FAM171A1: variants seen among roughly 807,000 people sequenced by gnomAD.
The protein encoded by FAM171A1 is protein FAM171A1.
In FAM171A1, 23 loss-of-function variants were observed where a neutral mutation model predicts 74.9. That is an observed-to-expected ratio of 0.31 (90% confidence interval 0.22 to 0.44). The LOEUF (loss-of-function observed/expected upper bound fraction) is 0.44, where lower values mean the gene tolerates loss of function less well. Ranked by LOEUF, FAM171A1 falls within the 20% of genes least tolerant of loss-of-function variation. The probability of loss-of-function intolerance (pLI) is 1.00; values close to 1 mark genes in which losing one functional copy is unlikely to be tolerated. For synonymous variants in FAM171A1, 527 were observed against 505.7 expected (o/e 1.04, Z -0.57); for missense variants, 1,162 against 1,159.2 (o/e 1.00, Z -0.03).
rs551684041 is a variant in FAM171A1, at chr10:15,355,290, G to C, written c.97+15666C>G. ...GGGTCTCAATATGTTGCCCAGGCTG[G>C]TCTTGAACTCCTGGGCTCAAGTGAT... On this transcript the variant is annotated intron_variant, in intron 1 of 7. Transcript: ENST00000378116. 1.8e-3 allele frequency among the ~76,000 whole-genome samples: 276 copies of C among 152,266 alleles called. 3 individuals are homozygous for C. Among genetic ancestry groups the C allele is most frequent in the African/African-American group, 6.4e-3 (264 of 41,550 alleles).
intron 2 of FAM171A1, among the ~76,000 whole-genome samples, chr10:15,278,883 T>G (rs1834929967): frequency 1.3e-5 from 2 of 152,184 alleles, no homozygotes; most frequent in South Asian, 4.1e-4. Flanking sequence ...TAAACTATTA[T>G]CAGCGATCCT....
intron 1 of FAM171A1, among the ~76,000 whole-genome samples, chr10:15,320,927 A>G (rs1835479349): frequency 6.6e-6 from 1 of 152,234 alleles, no homozygotes; most frequent in African/African-American, 2.4e-5. Context: ...CACTCTGTCT[A>G]ACACAAATTC....
intron 5 of FAM171A1, among the ~76,000 whole-genome samples, chr10:15,240,043 T>A (rs1406920290): frequency 1.3e-5 from 2 of 152,232 alleles, no homozygotes; most frequent in Admixed American, 1.3e-4. Context: ...TCAACTTATA[T>A]ATGCAAGTCG....
intron 1 of FAM171A1, among the ~76,000 whole-genome samples, chr10:15,355,794 T>A (rs1444022429): frequency 6.6e-6 from 1 of 152,088 alleles, no homozygotes; most frequent in Admixed American, 6.6e-5. Context: ...CACCTCCAGT[T>A]CCATACCTGT....
intron 1 of FAM171A1, among the ~76,000 whole-genome samples, chr10:15,335,728 A>G (rs1401104579): frequency 6.6e-6 from 1 of 152,212 alleles, no homozygotes; most frequent in Non-Finnish European, 1.5e-5. Context: ...TTTGTGCGTT[A>G]GGTTCACTTT....
chr10:15,370,816 G>T, intron 1 of FAM171A1, 140 bp downstream of exon 1: 1 of 209,156 alleles, frequency 4.8e-6, no homozygotes, highest in Non-Finnish European at 8.1e-6. Context: ...GGGTGCTGCA[G>T]GCCCGGAGGC....
chr10:15,303,585 ATC>A (rs1835258765), intron 1 of FAM171A1, among the ~76,000 whole-genome samples: 1 of 152,202 alleles, frequency 6.6e-6, no homozygotes, highest in African/African-American at 2.4e-5. Flanking sequence ...CTTCACTGCC[ATC>A]TCAATTCATA....
intron 1 of FAM171A1, among the ~76,000 whole-genome samples, chr10:15,340,387 G>A (rs1835751793): frequency 6.6e-6 from 1 of 152,174 alleles, no homozygotes; most frequent in African/African-American, 2.4e-5. Context: ...AAAAGGCTTT[G>A]CTCACACACT....
chr10:15,314,024 T>A (rs565973770), intron 1 of FAM171A1, among the ~76,000 whole-genome samples: 1 of 152,314 alleles, frequency 6.6e-6, no homozygotes, highest in Admixed American at 6.5e-5. Context: ...TGAAGCCTTT[T>A]CTGTGTCGCT....
chr10:15,366,672 C>G (rs1325391844), intron 1 of FAM171A1, among the ~76,000 whole-genome samples: 7 of 152,200 alleles, frequency 4.6e-5, no homozygotes, highest in African/African-American at 1.7e-4. Flanking sequence ...AAACTCCTCT[C>G]TCTAGATCTC....
chr10:15,281,784 C>T (rs1281344351), intron 2 of FAM171A1, among the ~76,000 whole-genome samples: 1 of 152,156 alleles, frequency 6.6e-6, no homozygotes, highest in African/African-American at 2.4e-5. Flanking sequence ...TTGCTTGAAC[C>T]TGGGAGGTGG....
At chr10:15,295,038 C>G (rs1445802084) in intron 1 of FAM171A1, among the ~76,000 whole-genome samples, 1 of 152,208 alleles carries the variant, frequency 6.6e-6, no homozygotes, top group African/African-American at 2.4e-5. Flanking sequence ...GCCTCAGCCT[C>G]CTAAGTAACT....
intron 5 of FAM171A1, among the ~76,000 whole-genome samples, chr10:15,236,628 T>C (rs1834294468): frequency 6.6e-6 from 1 of 152,164 alleles, no homozygotes; most frequent in Non-Finnish European, 1.5e-5. Context: ...TCCAGTGCAA[T>C]ATTCACATCT....
chr10:15,320,237 C>T (rs1835471022), intron 1 of FAM171A1, among the ~76,000 whole-genome samples: 1 of 152,180 alleles, frequency 6.6e-6, no homozygotes, highest in Middle Eastern at 3.2e-3. Flanking sequence ...TTTCCTGTTC[C>T]TGCATTAATT....
intron 1 of FAM171A1, among the ~76,000 whole-genome samples, chr10:15,323,162 T>A (rs1484754857): frequency 1.4e-5 from 2 of 147,740 alleles, no homozygotes; most frequent in Non-Finnish European, 3.0e-5. Flanking sequence ...AAATTAAAAC[T>A]TAAATTACAG....
intron 5 of FAM171A1, among the ~76,000 whole-genome samples, chr10:15,238,527 C>T (rs553146053): frequency 6.6e-6 from 1 of 152,144 alleles, no homozygotes; most frequent in African/African-American, 2.4e-5. Context: ...CCTTCCCCCC[C>T]ACCCCCAATT....
intron 5 of FAM171A1, among the ~76,000 whole-genome samples, chr10:15,243,221 C>T (rs1834384710): frequency 6.6e-6 from 1 of 152,148 alleles, no homozygotes; most frequent in East Asian, 1.9e-4. Flanking sequence ...CCTGCGCTCC[C>T]ATCCTCACAC....
chr10:15,357,415 A>G (rs1835946535), intron 1 of FAM171A1, among the ~76,000 whole-genome samples: 1 of 152,246 alleles, frequency 6.6e-6, no homozygotes, highest in South Asian at 2.1e-4. Flanking sequence ...AAAGACAGAA[A>G]ACTAATCTGT....
intron 1 of FAM171A1, among the ~76,000 whole-genome samples, chr10:15,351,167 A>G (rs1291508536): frequency 6.6e-6 from 1 of 152,168 alleles, no homozygotes; most frequent in Non-Finnish European, 1.5e-5. Context: ...AATTCTTTTT[A>G]TCTTTGCTCA....
Sources: gnomAD v4.1 joint callset for allele counts (sites outside exome capture counted in the v4.1 genomes callset) on GRCh38, gnomAD v4.1.1 for gene constraint, MANE v1.5 for transcripts, NCBI Gene and HGNC (gene_info 2026-07-23, HGNC 2026-07-21) for gene names.